Variants in MACROD2 observed in about 807,000 individuals in gnomAD.
The protein encoded by MACROD2 is mono-ADP ribosylhydrolase 2.
Under a neutral mutation model 70.4 loss-of-function variants are expected in MACROD2, and 36 were observed. The observed-to-expected ratio is 0.51, with a 90% CI of 0.39 to 0.68. The LOEUF (loss-of-function observed/expected upper bound fraction) is 0.68, where lower values mean the gene tolerates loss of function less well. Ranked by LOEUF, MACROD2 falls within the 30% of genes least tolerant of loss-of-function variation. MACROD2 has a pLI of 0.00. For synonymous variants in MACROD2, 172 were observed against 178.8 expected, an observed-to-expected ratio of 0.96 and a Z score of 0.30; for missense variants, 496 against 538.4, an observed-to-expected ratio of 0.92 and a Z score of 0.78.
At chr20:15,777,167 C>T (rs1011558420) in intron 8 of MACROD2, among the ~76,000 whole-genome samples, 16 of 152,038 alleles carry the variant, frequency 1.1e-4, no homozygotes, top group Admixed American at 2.0e-4. Flanking sequence ...ATGGATTTTT[C>T]CTGTTACTAC....
intron 8 of MACROD2, among the ~76,000 whole-genome samples, chr20:15,527,062 G>A (rs2047731515): frequency 6.6e-6 from 1 of 152,084 alleles, no homozygotes. Flanking sequence ...TTTAAGTATG[G>A]GGAAGTAAGC....
At chr20:15,509,076 C>T (rs1265984307) in intron 8 of MACROD2, among the ~76,000 whole-genome samples, 1 of 152,030 alleles carries the variant, frequency 6.6e-6, no homozygotes, top group African/African-American at 2.4e-5. Flanking sequence ...TTATTCTACT[C>T]CTTTCAGAGA....
At chr20:14,022,201 A>G (rs2053092819) in intron 2 of MACROD2, among the ~76,000 whole-genome samples, 3 of 152,204 alleles carry the variant, frequency 2.0e-5, no homozygotes, top group Admixed American at 6.5e-5. Context: ...TACACATTTT[A>G]TATTCCATTG....
chr20:14,818,298 C>T (rs908025981), intron 5 of MACROD2, among the ~76,000 whole-genome samples: 2 of 151,996 alleles, frequency 1.3e-5, no homozygotes, highest in Admixed American at 6.6e-5. Context: ...ATCATTTACT[C>T]CATCTATGGG....
intron 5 of MACROD2, among the ~76,000 whole-genome samples, chr20:14,918,405 G>A (rs756211924): frequency 7.2e-5 from 11 of 152,184 alleles, no homozygotes; most frequent in South Asian, 2.1e-4. Context: ...TAGAAAGAAG[G>A]TAAGGTACCA....
At chr20:15,086,335 A>T (rs2075748613) in intron 5 of MACROD2, among the ~76,000 whole-genome samples, 1 of 152,128 alleles carries the variant, frequency 6.6e-6, no homozygotes, top group Non-Finnish European at 1.5e-5. Flanking sequence ...GTTTTATGAA[A>T]AGCATTTTGT....
intron 13 of MACROD2, among the ~76,000 whole-genome samples, chr20:15,986,280 A>C (rs985853287): frequency 6.6e-6 from 1 of 152,186 alleles, no homozygotes; most frequent in African/African-American, 2.4e-5. Flanking sequence ...TTGTGCCCAC[A>C]TTACTCAAGT....
chr20:14,995,903 A>T (rs2074945228), intron 5 of MACROD2, among the ~76,000 whole-genome samples: 1 of 152,172 alleles, frequency 6.6e-6, no homozygotes. Context: ...CTAAACTTTC[A>T]GTTGAAGAAG....
At chr20:15,139,116 G>A (rs1247983516) in intron 5 of MACROD2, among the ~76,000 whole-genome samples, 5 of 152,092 alleles carry the variant, frequency 3.3e-5, no homozygotes, top group Admixed American at 1.3e-4. Context: ...CTTAGTATTC[G>A]TTTTGGCCCC....
intron 4 of MACROD2, chr20:14,636,533 G>A (rs547263940): frequency 6.6e-6 from 1 of 152,134 alleles, no homozygotes; most frequent in African/African-American, 2.4e-5. Context: ...CGAAAGGCAA[G>A]AGTGATCCTG....
At chr20:15,990,284 T>G (rs2147477786) in intron 15 of MACROD2, among the ~76,000 whole-genome samples, 1 of 152,280 alleles carries the variant, frequency 6.6e-6, no homozygotes, top group East Asian at 1.9e-4. Flanking sequence ...ATAGAAGATC[T>G]CCTCTGAAAA....
At chr20:14,475,968 G>A (rs1046750514) in intron 3 of MACROD2, among the ~76,000 whole-genome samples, 1 of 151,794 alleles carries the variant, frequency 6.6e-6, no homozygotes, top group Admixed American at 6.6e-5. Flanking sequence ...TTAAATTTGA[G>A]GATCAATTTG....
At chr20:15,296,430 T>C (rs1401459744) in intron 6 of MACROD2, among the ~76,000 whole-genome samples, 1 of 152,224 alleles carries the variant, frequency 6.6e-6, no homozygotes, top group Non-Finnish European at 1.5e-5. Flanking sequence ...TACACAGAAT[T>C]GTTCTCCATA....
At chr20:14,636,355 C>T (rs1231690187) in intron 4 of MACROD2, 1 of 152,146 alleles carries the variant, frequency 6.6e-6, no homozygotes, top group African/African-American at 2.4e-5. Flanking sequence ...TCTCTGACCC[C>T]CGTCTCTCCT....
intron 3 of MACROD2, among the ~76,000 whole-genome samples, chr20:14,483,392 C>T (rs762992274): frequency 7.2e-5 from 11 of 151,786 alleles, no homozygotes; most frequent in Non-Finnish European, 1.0e-4. Context: ...AATATCTTCT[C>T]AAGTTTTTTA....
chr20:15,322,829 TG>T lies in MACROD2; in HGVS notation c.540+92769del, dbSNP rs887992658. Among the ~76,000 whole-genome samples the T allele has an allele frequency of 1.4e-5, 2 of 144,084 alleles. 1 individual carries two copies. Among genetic ancestry groups the T allele is most frequent in the Non-Finnish European group, 3.1e-5 (2 of 63,728 alleles). 94.5% of individuals were successfully genotyped at this position (144,084 alleles called of 152,430 possible). ...TTATAATAGAAGCATGAAAAAAGTC[TG>T]CCTATTAGAAATGTGACCTTGGAAT... On this transcript the variant is annotated intron_variant, in intron 6 of 17. Transcript: ENST00000684519.
intron 5 of MACROD2, among the ~76,000 whole-genome samples, chr20:14,999,538 C>A (rs995334905): frequency 6.6e-6 from 1 of 152,094 alleles, no homozygotes; most frequent in Non-Finnish European, 1.5e-5. Context: ...CCCAGCTACT[C>A]AGGAGACTGA....
intron 5 of MACROD2, among the ~76,000 whole-genome samples, chr20:14,731,542 T>G (rs2071597150): frequency 2.6e-5 from 4 of 152,152 alleles, no homozygotes; most frequent in Admixed American, 2.0e-4. Context: ...GCCATTGTTA[T>G]TTGCTAGGTA....
intron 5 of MACROD2, among the ~76,000 whole-genome samples, chr20:15,084,077 T>TTTG (rs1555780898): frequency 1.9e-4 from 28 of 145,708 alleles, no homozygotes; most frequent in South Asian, 4.3e-4. Context: ...TTTTTGTTTT[T>TTTG]TTTTTTTAAT....
Sources: allele counts gnomAD v4.1 joint callset (sites outside exome capture counted in the v4.1 genomes callset), GRCh38; gene constraint gnomAD v4.1.1; transcripts MANE v1.5; gene names NCBI Gene and HGNC (gene_info 2026-07-23, HGNC 2026-07-21).